Variants in SETBP1 observed in about 807,000 individuals in gnomAD.
SETBP1 encodes SET-binding protein.
SETBP1 carries 9 observed loss-of-function variants against 101.0 expected under a neutral mutation model. The ratio of observed to expected loss-of-function variants is 0.09; its 90% CI spans 0.05 to 0.16. The LOEUF (loss-of-function observed/expected upper bound fraction) is 0.16. Ranked by LOEUF, SETBP1 falls within the 10% of genes least tolerant of loss-of-function variation. SETBP1 has a pLI of 1.00. For missense variants in SETBP1, 1,858 were observed against 2,033.8 expected (o/e 0.91, Z 1.66); for synonymous variants, 818 against 788.5 (o/e 1.04, Z -0.63).
chr18:44,965,724 T>G (rs1246861639), intron 4 of SETBP1, among the ~76,000 whole-genome samples: 1 of 152,214 alleles, frequency 6.6e-6, no homozygotes, highest in Non-Finnish European at 1.5e-5. Context: ...TTTCTTTCAG[T>G]CTTCCTCCAT....
chr18:44,781,723 G>T (rs1016756056), intron 2 of SETBP1, among the ~76,000 whole-genome samples: 1 of 152,124 alleles, frequency 6.6e-6, no homozygotes, highest in Admixed American at 6.5e-5. Context: ...TGTTAGAGAG[G>T]ATGGTACCAC....
chr18:45,027,522 T>C (rs1048178277), intron 4 of SETBP1, among the ~76,000 whole-genome samples: 4 of 152,202 alleles, frequency 2.6e-5, no homozygotes, highest in Non-Finnish European at 4.4e-5. Flanking sequence ...ATCAGTCTTA[T>C]GCTAGCAAGA....
At chr18:44,979,784 A>T (rs1009437189) in intron 4 of SETBP1, among the ~76,000 whole-genome samples, 1 of 152,250 alleles carries the variant, frequency 6.6e-6, no homozygotes, top group African/African-American at 2.4e-5. Context: ...GCAATTGAAT[A>T]TTCCTTATTT....
chr18:44,710,619 CTT>C (rs2144263172), intron 2 of SETBP1, among the ~76,000 whole-genome samples: 1 of 152,012 alleles, frequency 6.6e-6, no homozygotes, highest in South Asian at 2.1e-4. Context: ...ATGCGGCTAA[CTT>C]TTGTATTTTT....
At chr18:44,712,015 A>T (rs1326308759) in intron 2 of SETBP1, among the ~76,000 whole-genome samples, 1 of 152,110 alleles carries the variant, frequency 6.6e-6, no homozygotes, top group East Asian at 1.9e-4. Context: ...CCTCCCCACC[A>T]GCCTGTGACC....
At chr18:44,869,569 A>T in intron 3 of SETBP1, 7 of 363,526 alleles carry the variant, frequency 1.9e-5, no homozygotes, top group East Asian at 7.1e-5. Context: ...GATTCAGCTT[A>T]GGAAAGGGTT....
At chr18:44,816,572 C>T (rs759436271) in intron 2 of SETBP1, among the ~76,000 whole-genome samples, 13 of 152,268 alleles carry the variant, frequency 8.5e-5, no homozygotes, top group East Asian at 1.9e-4. Flanking sequence ...CAAGCCAGGA[C>T]GGGAGTCCTT....
chr18:44,997,972 A>C (rs1599428300), intron 4 of SETBP1, among the ~76,000 whole-genome samples: 1 of 152,214 alleles, frequency 6.6e-6, no homozygotes, highest in Non-Finnish European at 1.5e-5. Flanking sequence ...AGCTCATTAA[A>C]TAAGTAACAA....
chr18:44,949,130 A>G (rs16978236), intron 3 of SETBP1, among the ~76,000 whole-genome samples: 15,800 of 152,296 alleles, frequency 0.1, 1,058 homozygotes, highest in Admixed American at 0.21. Flanking sequence ...CAACATTCCT[A>G]GAGTCCACAA....
At chr18:44,852,475 C>T (rs1039228813) in intron 2 of SETBP1, among the ~76,000 whole-genome samples, 8 of 152,208 alleles carry the variant, frequency 5.3e-5, no homozygotes, top group African/African-American at 1.9e-4. Context: ...AATGAATCCC[C>T]AGAGGGTCCG....
chr18:44,840,820 G>A (rs1408445802), intron 2 of SETBP1, among the ~76,000 whole-genome samples: 1 of 152,216 alleles, frequency 6.6e-6, no homozygotes, highest in Non-Finnish European at 1.5e-5. Context: ...TTTTAGAAAT[G>A]TCAATGCTGG....
At chr18:44,735,669 A>G (rs1303766950) in intron 2 of SETBP1, among the ~76,000 whole-genome samples, 3 of 152,184 alleles carry the variant, frequency 2.0e-5, no homozygotes, top group Admixed American at 1.3e-4. Context: ...TGGGATAAAA[A>G]TGAAAAGGAT....
At position 44,812,855 on chromosome 18, in the gene SETBP1, G is replaced by T. The variant is rs145326794; in HGVS notation, c.487-56375G>T. On this transcript the variant is annotated intron_variant, in intron 2 of 5. Transcript: ENST00000649279. The stretch of plus-strand genomic sequence containing the variant: ...AAATGTGAGAAAATGCTACACTTCA[G>T]CAGGCCTGGGATTTCTCTTATTTCA... Among the ~76,000 whole-genome samples, 917 of 152,318 alleles carry T rather than the reference G, an allele frequency of 6.0e-3. 6 individuals are homozygous for T. The highest frequency in any genetic ancestry group is 9.4e-3 in the Non-Finnish European group (642 of 68,038).
chr18:44,758,725 C>T (rs1206676564), intron 2 of SETBP1, among the ~76,000 whole-genome samples: 2 of 152,236 alleles, frequency 1.3e-5, no homozygotes, highest in Non-Finnish European at 2.9e-5. Flanking sequence ...TCATAAATCA[C>T]ATCAATGAAC....
chr18:44,859,701 C>A (rs2068960941), intron 2 of SETBP1, among the ~76,000 whole-genome samples: 1 of 152,156 alleles, frequency 6.6e-6, no homozygotes, highest in Admixed American at 6.5e-5. Context: ...GAAGAACAGG[C>A]AAAAGTAGGT....
Position 44,867,392 on chromosome 18 carries a change from G to A in SETBP1, c.487-1838G>A, listed in dbSNP as rs565698498. Reference sequence around the variant, plus strand: ...GTGCGTTGCCCTGCCACCTTTCCATGTGAAATCAAGGCCAAATGCAAGCTC... The same window carrying A: ...GTGCGTTGCCCTGCCACCTTTCCATATGAAATCAAGGCCAAATGCAAGCTC... On this transcript the variant is annotated intron_variant, in intron 2 of 5. Transcript: ENST00000649279. Among the ~76,000 whole-genome samples the A allele has an allele frequency of 2.0e-5, 3 of 152,234 alleles. No homozygotes were observed. The East Asian group carries it at 5.8e-4, about 29-fold the overall frequency.
intron 4 of SETBP1, among the ~76,000 whole-genome samples, chr18:45,028,235 C>G (rs879262984): frequency 6.8e-6 from 1 of 148,016 alleles, no homozygotes; most frequent in Non-Finnish European, 1.5e-5. Context: ...TGTTCAGTTC[C>G]CACCTATGAG....
At chr18:44,754,574 C>T (rs2070453058) in intron 2 of SETBP1, among the ~76,000 whole-genome samples, 2 of 152,078 alleles carry the variant, frequency 1.3e-5, no homozygotes, top group Non-Finnish European at 2.9e-5. Context: ...ATAGAGAAGT[C>T]CCTTTATGTC....
chr18:44,967,851 C>G (rs1330778563), intron 4 of SETBP1, among the ~76,000 whole-genome samples: 1 of 152,128 alleles, frequency 6.6e-6, no homozygotes, highest in Non-Finnish European at 1.5e-5. Flanking sequence ...ACCACATTCT[C>G]CCACACCTTC....
Sources: allele counts gnomAD v4.1 joint callset (sites outside exome capture counted in the v4.1 genomes callset), GRCh38; gene constraint gnomAD v4.1.1; transcripts MANE v1.5; gene names NCBI Gene and HGNC (gene_info 2026-07-23, HGNC 2026-07-21).